The following BMAL1 variants were observed in gnomAD, a reference collection of about 807,000 sequenced individuals.
The protein encoded by BMAL1 is basic helix-loop-helix ARNT like 1.
the BMAL1 span, chr11:13,360,196 T>C: frequency 3.2e-6 from 2 of 619,098 alleles, no homozygotes; most frequent in Non-Finnish European, 5.5e-6. Context: ...AAGCCAGATC[T>C]AGGCTCATCT....
At chr11:13,376,599 C>G in the BMAL1 span, 1 of 1,595,086 alleles carries the variant, frequency 6.3e-7, no homozygotes, top group Non-Finnish European at 8.6e-7. Flanking sequence ...CAGTTCTGAG[C>G]AGGCCTGACT....
At chr11:13,313,898 C>G in the BMAL1 span, among the ~76,000 whole-genome samples, 1 of 151,292 alleles carries the variant, frequency 6.6e-6, no homozygotes, top group East Asian at 2.0e-4. Flanking sequence ...CCCCCACCCC[C>G]ACCCCACTTT....
chr11:13,284,212 G>GTA, the BMAL1 span, among the ~76,000 whole-genome samples: 24 of 13,272 alleles, frequency 1.8e-3, 4 homozygotes, highest in Middle Eastern at 0.025. Context: ...ATATATATGT[G>GTA]TATATATATA....
At chr11:13,302,353 A>T in the BMAL1 span, among the ~76,000 whole-genome samples, 7 of 152,144 alleles carry the variant, frequency 4.6e-5, no homozygotes. Context: ...GGGGGATCAT[A>T]GCTGTTGATG....
At chr11:13,347,952 G>A in the BMAL1 span, among the ~76,000 whole-genome samples, 1 of 152,214 alleles carries the variant, frequency 6.6e-6, no homozygotes, top group Non-Finnish European at 1.5e-5. Context: ...CCTGGAGTGA[G>A]GCACGAGATC....
the BMAL1 span, among the ~76,000 whole-genome samples, chr11:13,284,427 G>A: frequency 0.038 from 5,684 of 149,776 alleles, 351 homozygotes; most frequent in African/African-American, 0.13. Context: ...AAGAATAAAA[G>A]GATAATAAAC....
chr11:13,307,122 C>G, the BMAL1 span, among the ~76,000 whole-genome samples: 2 of 152,130 alleles, frequency 1.3e-5, no homozygotes, highest in Non-Finnish European at 2.9e-5. Context: ...CAACCAGAGT[C>G]TTTTAAAGGA....
At chr11:13,336,624 T>A in the BMAL1 span, among the ~76,000 whole-genome samples, 1 of 152,112 alleles carries the variant, frequency 6.6e-6, no homozygotes, top group Non-Finnish European at 1.5e-5. Flanking sequence ...TCCAGGAGGA[T>A]CCCCAGGAGA....
At chr11:13,360,532 C>T in the BMAL1 span, 39 of 921,374 alleles carry the variant, frequency 4.2e-5, 2 homozygotes, top group South Asian at 6.4e-4. Context: ...TTTTTTTAGG[C>T]CTGCTTCCTC....
the BMAL1 span, among the ~76,000 whole-genome samples, chr11:13,297,213 C>T: frequency 6.6e-6 from 1 of 152,196 alleles, no homozygotes; most frequent in East Asian, 1.9e-4. Context: ...CCCTGCTGCT[C>T]CCCTCAGCAT....
the BMAL1 span, chr11:13,365,319 A>ACACACAAT: frequency 2.1e-6 from 1 of 486,226 alleles, no homozygotes; most frequent in Non-Finnish European, 3.7e-6. Context: ...ACACACACAC[A>ACACACAAT]CAATCTTACA....
At chr11:13,377,479 CCCT>C in the BMAL1 span, among the ~76,000 whole-genome samples, 1 of 152,196 alleles carries the variant, frequency 6.6e-6, no homozygotes. Flanking sequence ...TGCTATTTCA[CCCT>C]CCTCATCTGC....
At chr11:13,366,528 C>T in the BMAL1 span, 1 of 765,534 alleles carries the variant, frequency 1.3e-6, no homozygotes, top group South Asian at 1.7e-5. Context: ...GACATATGTA[C>T]AGGTTCACAT....
chr11:13,299,212 A>G, the BMAL1 span, among the ~76,000 whole-genome samples: 1 of 152,196 alleles, frequency 6.6e-6, no homozygotes, highest in African/African-American at 2.4e-5. Flanking sequence ...TGGAGAGAGG[A>G]GTCTCTTGGA....
the BMAL1 span, among the ~76,000 whole-genome samples, chr11:13,346,773 G>T: frequency 6.6e-6 from 1 of 152,164 alleles, no homozygotes; most frequent in Non-Finnish European, 1.5e-5. Flanking sequence ...TAGCTTGGAA[G>T]TGGGCACACC....
At chr11:13,360,125 C>T in the BMAL1 span, among the ~76,000 whole-genome samples, 1 of 152,182 alleles carries the variant, frequency 6.6e-6, no homozygotes, top group Non-Finnish European at 1.5e-5. Flanking sequence ...TGTTAGGTCT[C>T]CTGTGGGTAA....
the BMAL1 span, chr11:13,358,453 GA>G: frequency 1.2e-6 from 2 of 1,600,600 alleles, no homozygotes; most frequent in Non-Finnish European, 1.7e-6. Flanking sequence ...CAGTCAGATT[GA>G]AAAGCGGCGT....
At chr11:13,321,500 C>G in the BMAL1 span, among the ~76,000 whole-genome samples, 1 of 152,078 alleles carries the variant, frequency 6.6e-6, no homozygotes, top group East Asian at 1.9e-4. Context: ...CCTCCAGGGT[C>G]TTTTTCTCCC....
the BMAL1 span, among the ~76,000 whole-genome samples, chr11:13,329,571 A>G: frequency 1.3e-5 from 2 of 152,148 alleles, no homozygotes; most frequent in Non-Finnish European, 2.9e-5. Flanking sequence ...TGCTTTGAAC[A>G]TTCTGGTTTC....
Sources: gnomAD v4.1 joint callset for allele counts (sites outside exome capture counted in the v4.1 genomes callset) on GRCh38, gnomAD v4.1.1 for gene constraint, MANE v1.5 for transcripts, NCBI Gene and HGNC (gene_info 2026-07-23, HGNC 2026-07-21) for gene names.